The following ANKRD63 variants were observed in gnomAD, a reference collection of about 807,000 sequenced individuals.
ANKRD63 encodes the protein ankyrin repeat domain 63, also known as ankyrin repeat domain-containing protein 63.
In ANKRD63, 18 loss-of-function variants were observed where a neutral mutation model predicts 21.2. The ratio of observed to expected loss-of-function variants is 0.85; its 90% CI spans 0.59 to 1.26. The LOEUF (loss-of-function observed/expected upper bound fraction) is 1.26, where lower values mean the gene tolerates loss of function less well. Ranked by LOEUF, ANKRD63 falls within the 50% of genes most tolerant of loss-of-function variation. ANKRD63 has a pLI of 0.00. For missense variants in ANKRD63, 523 were observed against 570.9 expected (o/e 0.92, Z 0.85); for synonymous variants, 322 against 273.3 (o/e 1.18, Z -1.76).
chr15:40,282,889 C>T lies in ANKRD63; in HGVS notation c.-303G>A, dbSNP rs1194528962. On this transcript the variant is annotated 5_prime_UTR_variant, in exon 1 of 1. Transcript: ENST00000434396. ...CGCCACCAGACGTCGGGAGCAGAGA[C>T]TCGACCCTCTCCCGAGTCTCTCGCC... 1.3e-5 allele frequency among the ~76,000 whole-genome samples: 2 copies of T among 152,188 alleles called. No individual in the cohort carries two copies. The highest frequency in any genetic ancestry group is 2.9e-5 in the Non-Finnish European group (2 of 68,018).
Position 40,282,641 on chromosome 15 carries a change from T to C in ANKRD63, c.-55A>G. The C allele has an allele frequency of 7.8e-7, 1 of 1,286,616 alleles. No individual in the cohort carries two copies. The highest frequency in any genetic ancestry group is 1.9e-5 in the South Asian group (1 of 52,430). 79.7% of individuals were successfully genotyped at this position (1,286,616 alleles called of 1,614,324 possible). ...GCAGTTCCGCACGGGGGCGCCCCTG[T>C]TCTCGCGCCCCGCGGGGCTCCGGCC... On this transcript the variant is annotated 5_prime_UTR_variant, in exon 1 of 1. Transcript: ENST00000434396.
rs1277891498 is a variant in ANKRD63 at position 40,279,305 on chromosome 15, C to G, written c.*2139G>C. Reference sequence around the variant, plus strand: ...AGCTTTTCGGAAGAGAGCTGTAGCTCTCAGCCTTAACTTGGAAGATTTAAC... The same window carrying G: ...AGCTTTTCGGAAGAGAGCTGTAGCTGTCAGCCTTAACTTGGAAGATTTAAC... On this transcript the variant is annotated 3_prime_UTR_variant, in exon 1 of 1. Transcript: ENST00000434396. Among the ~76,000 whole-genome samples the G allele has an allele frequency of 2.0e-5, 3 of 152,246 alleles. No individual in the cohort carries two copies. The highest frequency in any genetic ancestry group is 7.2e-5 in the African/African-American group (3 of 41,460).
chr15:40,281,645 G>C lies in ANKRD63; in HGVS notation c.942C>G (p.Pro314=). Residue 314 remains proline (P), a synonymous_variant, in exon 1 of 1, where the codon CCC becomes CCG. Coordinates refer to ENST00000434396, the MANE Select transcript of ANKRD63 (RefSeq NM_001190479.3). ...CAGAGCCGGGGCCGCCCTCCGGGTGGGGACTGAGGCCAATGGGGGCTTGCG... is the reference window on the plus strand; with the variant it reads ...CAGAGCCGGGGCCGCCCTCCGGGTGCGGACTGAGGCCAATGGGGGCTTGCG... ...TLAQAPIGLS[P]HPEGGPGSGR... 6.6e-7 allele frequency: 1 copy of C among 1,525,442 alleles called. No homozygotes were observed. Among genetic ancestry groups the C allele is most frequent in the South Asian group, 1.2e-5 (1 of 83,394 alleles). The allele number at this position is 1,525,442 out of a possible 1,614,324, so 94.5% of individuals were successfully genotyped here. A position where few individuals can be genotyped will look rare whatever the true frequency, so the allele number is the denominator to read the frequency against.
Position 40,282,165 on chromosome 15 carries a change from C to G in ANKRD63, c.422G>C (p.Arg141Pro). 6 of 1,488,050 alleles carry G rather than the reference C, an allele frequency of 4.0e-6. No homozygotes were observed. The highest frequency in any genetic ancestry group is 5.3e-6 in the Non-Finnish European group (6 of 1,127,996). 92.2% of individuals were successfully genotyped at this position (1,488,050 alleles called of 1,614,324 possible). The change falls in exon 1 of 1, where the codon CGC (arginine) becomes CCC (proline). Residue 141 changes from arginine (R) to proline (P), a missense_variant. This residue lies in a region of ANKRD63 where 215 missense variants were observed against 280.4 expected (regional missense o/e 0.77). Transcript: ENST00000434396. ...GCGGTCGAGGCGCAGGCCTAGGCGG[C>G]GGAAGGACCGCACCAGGAACTCGAG... ...AVLEFLVRSF[R>P]RLGLRLDRTN...
chr15:40,279,439 T>G lies in ANKRD63; in HGVS notation c.*2005A>C, dbSNP rs184477731. 8.5e-5 allele frequency among the ~76,000 whole-genome samples: 13 copies of G among 152,356 alleles called. No homozygotes were observed. The highest frequency in any genetic ancestry group is 3.4e-3 in the Middle Eastern group (1 of 294). The stretch of plus-strand genomic sequence containing the variant: ...AGTGACTTCAAGTATCCGGATTTAA[T>G]ATTCTACAAGAGGAAGAGGATTCCA... On this transcript the variant is annotated 3_prime_UTR_variant, in exon 1 of 1. Transcript: ENST00000434396.
Position 40,280,989 on chromosome 15 carries a change from G to A in ANKRD63, c.*455C>T, listed in dbSNP as rs1348122048. Among the ~76,000 whole-genome samples the A allele has an allele frequency of 6.6e-6, 1 of 152,238 alleles. No individual in the cohort carries two copies. The highest frequency in any genetic ancestry group is 1.5e-5 in the Non-Finnish European group (1 of 68,048). ...ACACTTGGAGGGAAAGGAGACTTTG[G>A]TAGTTTGTGGGATTATTGTCAGCAT... On this transcript the variant is annotated 3_prime_UTR_variant, in exon 1 of 1. Transcript: ENST00000434396.
In ANKRD63 at chr15:40,281,890, C is replaced by T. The variant is rs2039548126; in HGVS notation, c.697G>A (p.Ala233Thr). ...ARAAGGHGGE[A>T]GSAGKNSGRH... ...CCCGAATTCTTGCCCGCTGAGCCAGCCTCGCCGCCGTGGCCGCCCGCCGCT... is the reference window on the plus strand; with the variant it reads ...CCCGAATTCTTGCCCGCTGAGCCAGTCTCGCCGCCGTGGCCGCCCGCCGCT... Residue 233 changes from alanine to threonine, a missense_variant, in exon 1 of 1, where the codon GCT (alanine) becomes ACT (threonine). By Grantham distance (58) the Ala-to-Thr change is moderately conservative (BLOSUM62 0). This residue lies in a region of ANKRD63 where 308 missense variants were observed against 290.4 expected (regional missense o/e 1.06). Coordinates refer to ENST00000434396, the MANE Select transcript of ANKRD63 (RefSeq NM_001190479.3). 4.9e-6 allele frequency: 7 copies of T among 1,430,012 alleles called. No homozygotes were observed. Among genetic ancestry groups the T allele is most frequent in the African/African-American group, 1.5e-5 (1 of 66,888 alleles). The allele number at this position is 1,430,012 out of a possible 1,614,324, so 88.6% of individuals were successfully genotyped here.
At position 40,280,405 on chromosome 15, in the gene ANKRD63, C is replaced by T. The variant is rs907416860; in HGVS notation, c.*1039G>A. ...GGCTCTTAAGCCTCGGAATCAGACC[C>T]GCTGCTTTCTGCTTCATATACAAAG... On this transcript the variant is annotated 3_prime_UTR_variant, in exon 1 of 1. Coordinates refer to ENST00000434396, the MANE Select transcript of ANKRD63 (RefSeq NM_001190479.3). Among the ~76,000 whole-genome samples, 8 of 152,264 alleles carry T rather than the reference C, an allele frequency of 5.3e-5. No individual in the cohort carries two copies. The highest frequency in any genetic ancestry group is 1.0e-4 in the Non-Finnish European group (7 of 68,044).
rs2039532602 is a variant in ANKRD63, at chr15:40,280,755, G to C, written c.*689C>G. On this transcript the variant is annotated 3_prime_UTR_variant, in exon 1 of 1. Coordinates refer to ENST00000434396, the MANE Select transcript of ANKRD63 (RefSeq NM_001190479.3). ...CATTATCAATGAAGCTGAATCCTGG[G>C]GCAGAGAGAGAGGGAGCTGGAGTTA... Among the ~76,000 whole-genome samples the C allele has an allele frequency of 6.6e-6, 1 of 152,240 alleles. No individual in the cohort carries two copies. The highest frequency in any genetic ancestry group is 1.5e-5 in the Non-Finnish European group (1 of 68,046).
chr15:40,280,179 G>T lies in ANKRD63; in HGVS notation c.*1265C>A, dbSNP rs745533040. ...TCTCGAACTCTAGCATCCATCATCC[G>T]CCCTGCCCTCCATTAACGGCCCAGC... On this transcript the variant is annotated 3_prime_UTR_variant, in exon 1 of 1. Coordinates refer to ENST00000434396, the MANE Select transcript of ANKRD63 (RefSeq NM_001190479.3). Among the ~76,000 whole-genome samples, 36 of 152,212 alleles carry T rather than the reference G, an allele frequency of 2.4e-4. No homozygotes were observed. The highest frequency in any genetic ancestry group is 3.8e-4 in the Non-Finnish European group (26 of 68,040).
rs1292849621 is a variant in ANKRD63 at position 40,280,698 on chromosome 15, C to T, written c.*746G>A. ...GCTGGCTCTGGAGCCCGGAGTTGGC[C>T]TGGGTAGGGGTTGTGTGGAGCAGTG... On this transcript the variant is annotated 3_prime_UTR_variant, in exon 1 of 1. Transcript: ENST00000434396. 6.6e-6 allele frequency among the ~76,000 whole-genome samples: 1 copy of T among 152,186 alleles called. No homozygotes were observed. Among genetic ancestry groups the T allele is most frequent in the Non-Finnish European group, 1.5e-5 (1 of 68,036 alleles).
Position 40,281,585 on chromosome 15 carries a change from T to C in ANKRD63, c.1002A>G (p.Pro334=). The C allele has an allele frequency of 1.3e-6, 2 of 1,532,028 alleles. No individual in the cohort carries two copies. The highest frequency in any genetic ancestry group is 1.4e-5 in the African/African-American group (1 of 72,864). The allele number at this position is 1,532,028 out of a possible 1,614,324, so 94.9% of individuals were successfully genotyped here. Reference sequence around the variant, plus strand: ...CCTCCCCGACCAGGCTGGGGATATCTGGGGCTGTGGAGCGTCGGCGCAAAC... The same window carrying C: ...CCTCCCCGACCAGGCTGGGGATATCCGGGGCTGTGGAGCGTCGGCGCAAAC... ...RLGLRRRSTA[P]DIPSLVGEAP... is the part of the protein sequence containing the mutation. Residue 334 remains proline, a synonymous_variant, in exon 1 of 1, where the codon CCA becomes CCG. Transcript: ENST00000434396.
At position 40,282,572 on chromosome 15, in the gene ANKRD63, C is replaced by T. The variant is rs1441405156; in HGVS notation, c.15G>A (p.Lys5=). 2 of 1,443,774 alleles carry T rather than the reference C, an allele frequency of 1.4e-6. No homozygotes were observed. The highest frequency in any genetic ancestry group is 1.8e-6 in the Non-Finnish European group (2 of 1,103,242). The allele number at this position is 1,443,774 out of a possible 1,614,324, so 89.4% of individuals were successfully genotyped here. A position where few individuals can be genotyped will look rare whatever the true frequency, so the allele number is the denominator to read the frequency against. The part of the protein sequence containing the change: MLKP[K]DLCPRAGTRT... Reference sequence around the variant, plus strand: ...GCGTCCCCGCTCGGGGGCACAGGTCCTTGGGTTTGAGCATGGCCCCGGCCG... The same window carrying T: ...GCGTCCCCGCTCGGGGGCACAGGTCTTTGGGTTTGAGCATGGCCCCGGCCG... Residue 5 remains lysine (K), a synonymous_variant, in exon 1 of 1, where the codon AAG becomes AAA. Transcript: ENST00000434396.
In ANKRD63 at chr15:40,279,799, A is replaced by C. The variant is rs1281592363; in HGVS notation, c.*1645T>G. ...CGTACTGCAAAGGCAAACAGATCGA[A>C]GTCTTGCAAAGACCTTACTGCAGGC... On this transcript the variant is annotated 3_prime_UTR_variant, in exon 1 of 1. Transcript: ENST00000434396. 6.6e-6 allele frequency among the ~76,000 whole-genome samples: 1 copy of C among 152,248 alleles called. No homozygotes were observed. Among genetic ancestry groups the C allele is most frequent in the Non-Finnish European group, 1.5e-5 (1 of 68,038 alleles).
rs747368884 is a variant in ANKRD63 at position 40,282,389 on chromosome 15, G to A, written c.198C>T (p.Phe66=). 2.0e-6 allele frequency: 3 copies of A among 1,498,990 alleles called. No individual in the cohort carries two copies. The highest frequency in any genetic ancestry group is 1.3e-5 in the South Asian group (1 of 79,150). The allele number at this position is 1,498,990 out of a possible 1,614,324, so 92.9% of individuals were successfully genotyped here. The change falls in exon 1 of 1, where the codon TTC becomes TTT. Residue 66 remains phenylalanine (F), a synonymous_variant. Coordinates refer to ENST00000434396, the MANE Select transcript of ANKRD63 (RefSeq NM_001190479.3). ...GLPDPALRAR[F]VRLLLEQGAA... ...CACCCTGCTCGAGCAGCAGCCGCAC[G>A]AAGCGCGCGCGCAGCGCGGGGTCCG...
Position 40,281,477 on chromosome 15 carries a change from G to A in ANKRD63, c.1110C>T (p.Gly370=). ...GAGCACGCAGCACCACAGCCTCGGT[G>A]CCCGCCTGCCAAGGGTTCGGCCCAG... ...SVPGPNPWQA[G]TEAVVLRAQR The change falls in exon 1 of 1, where the codon GGC becomes GGT. Residue 370 remains glycine (G), a synonymous_variant. Transcript: ENST00000434396. The A allele has an allele frequency of 7.0e-7, 1 of 1,432,030 alleles. No homozygotes were observed. Among genetic ancestry groups the A allele is most frequent in the Non-Finnish European group, 9.1e-7 (1 of 1,096,638 alleles). The allele number at this position is 1,432,030 out of a possible 1,614,324, so 88.7% of individuals were successfully genotyped here.
Position 40,282,564 on chromosome 15 carries a change from C to T in ANKRD63, c.23G>A (p.Cys8Tyr). ...GAAGGTGCGCGTCCCCGCTCGGGGG[C>T]ACAGGTCCTTGGGTTTGAGCATGGC... is the stretch of plus-strand genomic sequence containing the variant. MLKPKDL[C>Y]PRAGTRTFLE... Residue 8 changes from cysteine (C) to tyrosine (Y), a missense_variant, in exon 1 of 1, where the codon TGC becomes TAC. By Grantham distance (194) the Cys-to-Tyr change is radical (BLOSUM62 -2). Transcript: ENST00000434396. The T allele has an allele frequency of 6.8e-7, 1 of 1,463,602 alleles. No individual in the cohort carries two copies. Among genetic ancestry groups the T allele is most frequent in the East Asian group, 2.8e-5 (1 of 35,638 alleles). The allele number at this position is 1,463,602 out of a possible 1,614,324, so 90.7% of individuals were successfully genotyped here.
Position 40,281,180 on chromosome 15 carries a change from A to T in ANKRD63, c.*264T>A, listed in dbSNP as rs561782191. 5.3e-5 allele frequency among the ~76,000 whole-genome samples: 8 copies of T among 152,294 alleles called. No homozygotes were observed. In the East Asian group the frequency reaches 1.5e-3, roughly 29 times the overall value. On this transcript the variant is annotated 3_prime_UTR_variant, in exon 1 of 1. Transcript: ENST00000434396. ...TGAGCCTGAGGGCTGGGGAGGGGGAATCCACCTTCCTGGCTGTAGCCTACG... is the reference window on the plus strand; with the variant it reads ...TGAGCCTGAGGGCTGGGGAGGGGGATTCCACCTTCCTGGCTGTAGCCTACG...
Position 40,281,967 on chromosome 15 carries a change from C to G in ANKRD63, c.620G>C (p.Arg207Pro). 3.2e-6 allele frequency: 4 copies of G among 1,263,970 alleles called. No individual in the cohort carries two copies. The highest frequency in any genetic ancestry group is 3.0e-6 in the Non-Finnish European group (3 of 1,006,738). 78.3% of individuals were successfully genotyped at this position (1,263,970 alleles called of 1,614,324 possible). Reference sequence around the variant, plus strand: ...CGGGAGGCGGCGGGGGCTGGGTCGTCGATGCTCGGGGCTGGCCGCGGGGGC... The same window carrying G: ...CGGGAGGCGGCGGGGGCTGGGTCGTGGATGCTCGGGGCTGGCCGCGGGGGC... ...RPAPAASPEH[R>P]RPSPRRLPRP... The change falls in exon 1 of 1, where the codon CGA becomes CCA. Residue 207 changes from arginine to proline, a missense_variant. Physicochemically the swap from Arg to Pro is moderately radical, Grantham distance 103. Around this residue, in one of 2 missense-constraint regions of ANKRD63, gnomAD observed 308 missense variants for 290.4 expected, o/e 1.06. Transcript: ENST00000434396.
Sources: allele counts gnomAD v4.1 joint callset (sites outside exome capture counted in the v4.1 genomes callset), GRCh38; gene constraint gnomAD v4.1.1; regional missense constraint gnomAD v4.1.1; transcripts MANE v1.5; gene names NCBI Gene and HGNC (gene_info 2026-07-23, HGNC 2026-07-21).